The following YTHDC1 variants were observed in gnomAD, a reference collection of about 807,000 sequenced individuals.
YTHDC1 encodes YTH domain-containing protein 1.
A neutral mutation model predicts 107.0 loss-of-function variants in YTHDC1; 12 were observed. The observed-to-expected ratio is 0.11, with a 90% confidence interval of 0.07 to 0.18. YTHDC1 has a LOEUF of 0.18. YTHDC1 is among the 10% of genes least tolerant of loss of function. The pLI is 1.00. For synonymous variants in YTHDC1, 280 were observed against 289.5 expected (o/e 0.97, Z 0.33); for missense variants, 635 against 898.8 (o/e 0.71, Z 3.75).
chr4:68,346,282 G>C (rs1041005671), intron 1 of YTHDC1, among the ~76,000 whole-genome samples: 1 of 151,954 alleles, frequency 6.6e-6, no homozygotes, highest in South Asian at 2.1e-4. Context: ...GGGCATGGTG[G>C]CACACACCTG....
rs1721412226 is a variant in YTHDC1 at position 68,312,899 on chromosome 4, A to G, written c.*1200T>C. The G allele has an allele frequency of 1.3e-5, 2 of 152,318 alleles. No individual in the cohort carries two copies. Among genetic ancestry groups the G allele is most frequent in the South Asian group, 4.1e-4 (2 of 4,832 alleles). 9.4% of individuals were successfully genotyped at this position (152,318 alleles called of 1,614,324 possible). A position where few individuals can be genotyped will look rare whatever the true frequency, so the allele number is the denominator to read the frequency against. Reference sequence around the variant, plus strand: ...TGTTTTCTTGAGCGGCTCTATTTCTATGTTATAGTTGGTTACCACTGGGAG... The same window carrying G: ...TGTTTTCTTGAGCGGCTCTATTTCTGTGTTATAGTTGGTTACCACTGGGAG... On this transcript the variant is annotated 3_prime_UTR_variant, in exon 17 of 17. Transcript: ENST00000344157.
chr4:68,348,400 T>C (rs1371481925), intron 1 of YTHDC1, among the ~76,000 whole-genome samples: 1 of 151,524 alleles, frequency 6.6e-6, no homozygotes, highest in East Asian at 1.9e-4. Context: ...AATAACTGAG[T>C]TAACTAATTA....
chr4:68,330,724 CTATT>C (rs910441837), intron 7 of YTHDC1, among the ~76,000 whole-genome samples: 27 of 152,204 alleles, frequency 1.8e-4, no homozygotes, highest in African/African-American at 6.5e-4. Flanking sequence ...TAAAATTACT[CTATT>C]AGTCAAGAAT....
chr4:68,337,090 C>G lies in YTHDC1; in HGVS notation c.820G>C (p.Gly274Arg). ...YDTRSEASDS[G>R]SESVSFTDGS... Reference sequence around the variant, plus strand: ...TCTGTGAAGGAAACAGATTCAGAACCAGAGTCACTGGCCTCACTTCGAGTG... The same window carrying G: ...TCTGTGAAGGAAACAGATTCAGAACGAGAGTCACTGGCCTCACTTCGAGTG... Residue 274 changes from glycine to arginine, a missense_variant, in exon 4 of 17, where the codon GGT becomes CGT. Gly to Arg is a moderately radical substitution (Grantham distance 125). Around this residue, in one of 5 missense-constraint regions of YTHDC1, gnomAD observed 294 missense variants for 312.3 expected, o/e 0.94. Coordinates refer to ENST00000344157, the MANE Select transcript of YTHDC1 (RefSeq NM_001031732.4). The G allele has an allele frequency of 1.9e-6, 3 of 1,614,008 alleles. No homozygotes were observed. The highest frequency in any genetic ancestry group is 2.5e-6 in the Non-Finnish European group (3 of 1,179,974).
At chr4:68,315,203 G>C (rs1217269615) in intron 16 of YTHDC1, among the ~76,000 whole-genome samples, 2 of 152,098 alleles carry the variant, frequency 1.3e-5, no homozygotes, top group Non-Finnish European at 2.9e-5. Flanking sequence ...TTTCTTTCTT[G>C]TGTGCTTAAC....
chr4:68,346,825 T>C (rs1725496256), intron 1 of YTHDC1, among the ~76,000 whole-genome samples: 1 of 152,150 alleles, frequency 6.6e-6, no homozygotes, highest in Non-Finnish European at 1.5e-5. Context: ...CCCTGACTTA[T>C]AAATTAAACT....
In YTHDC1 at chr4:68,349,742, G is replaced by A. The variant is rs773365685; in HGVS notation, c.12C>T (p.Asp4=). 59 of 1,612,956 alleles carry A rather than the reference G, an allele frequency of 3.7e-5. No individual in the cohort carries two copies. The highest frequency in any genetic ancestry group is 1.6e-4 in the Middle Eastern group (1 of 6,062). MAA[D]SREEKDGELN... is the part of the protein sequence containing the mutation. ...CGCACTAACCTTTCTCCTCCCGACT[G>A]TCAGCCGCCATGGCTCCCCTTCGGT... Residue 4 remains aspartate (D), a synonymous_variant, in exon 1 of 17, where the codon GAC becomes GAT. Transcript: ENST00000344157.
At chr4:68,333,271 T>C (rs1186590958) in intron 5 of YTHDC1, 37 bp downstream of exon 5, 2 of 1,512,776 alleles carry the variant, frequency 1.3e-6, no homozygotes, top group Admixed American at 1.8e-5. Context: ...CAGATTACAT[T>C]AGAATCAAGT....
In YTHDC1 at chr4:68,320,132, G is replaced by C. The variant is rs1349540256; in HGVS notation, c.1675C>G (p.Gln559Glu). ...ATTATAAAATATTAACCTGGTCTCT[G>C]GTGAAACTCAGGGGGATAGTCAATC... ...PRIDYPPEFH[Q>E]RPGYLKDPRY... Residue 559 changes from glutamine (Q) to glutamate (E), a missense_variant, in exon 12 of 17, where the codon CAG (glutamine) becomes GAG (glutamate). Gln to Glu is a conservative substitution (Grantham distance 29). Around this residue, in one of 5 missense-constraint regions of YTHDC1, gnomAD observed 256 missense variants for 372.9 expected, o/e 0.69. Transcript: ENST00000344157. The C allele has an allele frequency of 6.2e-7, 1 of 1,601,450 alleles. No homozygotes were observed. Among genetic ancestry groups the C allele is most frequent in the Non-Finnish European group, 8.5e-7 (1 of 1,174,752 alleles).
intron 1 of YTHDC1, among the ~76,000 whole-genome samples, chr4:68,349,489 T>C (rs1342948666): frequency 2.0e-5 from 3 of 151,576 alleles, no homozygotes; most frequent in Admixed American, 2.0e-4. Context: ...AAGCGTGAAA[T>C]CCGCATCAAA....
intron 10 of YTHDC1, among the ~76,000 whole-genome samples, chr4:68,323,293 T>C (rs944561518): frequency 2.0e-5 from 3 of 152,220 alleles, no homozygotes; most frequent in African/African-American, 4.8e-5. Context: ...TTGATAATTA[T>C]GATCTACTAA....
chr4:68,342,189 G>A (rs985795935), intron 1 of YTHDC1, among the ~76,000 whole-genome samples: 2 of 152,066 alleles, frequency 1.3e-5, no homozygotes, highest in Non-Finnish European at 2.9e-5. Flanking sequence ...GGGCTCAACC[G>A]GGGTCTCCCA....
intron 4 of YTHDC1, among the ~76,000 whole-genome samples, chr4:68,336,465 A>C (rs187452463): frequency 6.6e-6 from 1 of 152,238 alleles, no homozygotes; most frequent in African/African-American, 2.4e-5. Flanking sequence ...TTCCACAAGA[A>C]TTTTATTTAT....
chr4:68,337,760 A>C lies in YTHDC1; in HGVS notation c.271T>G (p.Ser91Ala). Residue 91 changes from serine to alanine, a missense_variant, in exon 3 of 17, where the codon TCA becomes GCA. By Grantham distance (99) the Ser-to-Ala change is moderately conservative. Around this residue, in one of 5 missense-constraint regions of YTHDC1, gnomAD observed 294 missense variants for 312.3 expected, o/e 0.94. Coordinates refer to ENST00000344157, the MANE Select transcript of YTHDC1 (RefSeq NM_001031732.4). ...NKRIVSTKGKSATEYKNEEYQ... is the reference protein window; with the variant it reads ...NKRIVSTKGKAATEYKNEEYQ... ...TCCTCATTTTTATACTCTGTGGCTG[A>C]CTTTCCTTTTGTACTAACTATTCTT... 3 of 1,614,090 alleles carry C rather than the reference A, an allele frequency of 1.9e-6. No individual in the cohort carries two copies. Among genetic ancestry groups the C allele is most frequent in the Non-Finnish European group, 1.7e-6 (2 of 1,180,028 alleles).
intron 1 of YTHDC1, among the ~76,000 whole-genome samples, chr4:68,343,202 T>A (rs969541163): frequency 2.6e-5 from 4 of 152,084 alleles, no homozygotes; most frequent in East Asian, 1.9e-4. Context: ...ACTTTTTTTT[T>A]AATTTGTTTT....
intron 1 of YTHDC1, among the ~76,000 whole-genome samples, chr4:68,348,377 G>C (rs1725679492): frequency 6.7e-6 from 1 of 149,170 alleles, no homozygotes; most frequent in African/African-American, 2.5e-5. Context: ...TACTAATTAA[G>C]ATCATGTATT....
At position 68,333,370 on chromosome 4, in the gene YTHDC1, G is replaced by A; in HGVS notation, c.911C>T (p.Ala304Val). The A allele has an allele frequency of 1.2e-6, 2 of 1,611,580 alleles. No individual in the cohort carries two copies. The highest frequency in any genetic ancestry group is 1.7e-6 in the Non-Finnish European group (2 of 1,178,804). Residue 304 changes from alanine (A) to valine (V), a missense_variant, in exon 5 of 17, where the codon GCT becomes GTT. By Grantham distance (64) the Ala-to-Val change is moderately conservative. Coordinates refer to ENST00000344157, the MANE Select transcript of YTHDC1 (RefSeq NM_001031732.4). ...AAAAACAATTGGAGATATGCCTCTAGCTCTCTTCCTTTCCTTCTTTTTCTC... is the reference window on the plus strand; with the variant it reads ...AAAAACAATTGGAGATATGCCTCTAACTCTCTTCCTTTCCTTCTTTTTCTC... ...SDEKKKERKR[A>V]RGISPIVFDR...
At chr4:68,319,342 T>C (rs1434572657) in intron 12 of YTHDC1, among the ~76,000 whole-genome samples, 1 of 152,186 alleles carries the variant, frequency 6.6e-6, no homozygotes, top group Non-Finnish European at 1.5e-5. Flanking sequence ...ATGTATACAC[T>C]GAAAATGAAA....
chr4:68,314,574 CTT>C (rs947246110), intron 16 of YTHDC1, among the ~76,000 whole-genome samples: 5 of 152,198 alleles, frequency 3.3e-5, no homozygotes, highest in African/African-American at 1.2e-4. Flanking sequence ...ATTCAAATCT[CTT>C]TATGCAGTTT....
Sources: gnomAD v4.1 joint callset for allele counts (sites outside exome capture counted in the v4.1 genomes callset) on GRCh38, gnomAD v4.1.1 for gene constraint, gnomAD v4.1.1 regional missense constraint, MANE v1.5 for transcripts, NCBI Gene and HGNC (gene_info 2026-07-23, HGNC 2026-07-21) for gene names.